Variants in TRAPPC2L observed in about 807,000 individuals in gnomAD.
The protein encoded by TRAPPC2L is trafficking protein particle complex subunit 2-like protein.
TRAPPC2L carries 17 observed loss-of-function variants against 13.2 expected under a neutral mutation model. The ratio of observed to expected loss-of-function variants is 1.29; its 90% CI spans 0.88 to 1.93. The LOEUF is 1.93. Among genes scored for constraint, TRAPPC2L ranks in the 30% most tolerant of loss-of-function variants. The pLI is 0.00. For missense variants in TRAPPC2L, 359 were observed against 252.1 expected, an observed-to-expected ratio of 1.42 and a Z score of -2.87; for synonymous variants, 150 against 98.1, an observed-to-expected ratio of 1.53 and a Z score of -3.12.
At chr16:88,857,224 C>G in intron 1 of TRAPPC2L, 41 bp downstream of exon 1, 1 of 1,469,482 alleles carries the variant, frequency 6.8e-7, no homozygotes, top group Non-Finnish European at 9.1e-7. Flanking sequence ...TCGCACCATC[C>G]TCGGCTCTCC....
chr16:88,858,325 C>G (rs1336190427), intron 1 of TRAPPC2L, among the ~76,000 whole-genome samples: 1 of 152,158 alleles, frequency 6.6e-6, no homozygotes, highest in Non-Finnish European at 1.5e-5. Context: ...GAGAGGCGTG[C>G]CCAGGTGCCA....
At chr16:88,860,652 C>G in exon 4 of TRAPPC2L, 1 of 597,228 alleles carries the variant, frequency 1.7e-6, no homozygotes, top group South Asian at 2.0e-5. Context: ...GCCACACCAC[C>G]GCTCTGCCTG....
Position 88,859,292 on chromosome 16 carries a change from T to C in TRAPPC2L, c.207-371T>C, listed in dbSNP as rs1272082440. 1.6e-5 allele frequency: 10 copies of C among 608,982 alleles called. No individual in the cohort carries two copies. The East Asian group carries it at 1.8e-4, about 11-fold the overall frequency. The allele number at this position is 608,982 out of a possible 1,614,324, so 37.7% of individuals were successfully genotyped here. Reference sequence around the variant, plus strand: ...TAGTAGCCACTATTTTACAAAATAATGTGGCCTCTAGAGAGGGGATCCGCC... The same window carrying C: ...TAGTAGCCACTATTTTACAAAATAACGTGGCCTCTAGAGAGGGGATCCGCC... On this transcript the variant is annotated intron_variant, in intron 2 of 3. Coordinates refer to ENST00000565504, the Ensembl canonical transcript of TRAPPC2L.
At chr16:88,857,961 C>T (rs1968078276) in intron 1 of TRAPPC2L, among the ~76,000 whole-genome samples, 2 of 152,188 alleles carry the variant, frequency 1.3e-5, no homozygotes, top group Admixed American at 1.3e-4. Context: ...TGCTAAGCTG[C>T]TCATGGGCTT....
chr16:88,860,649 C>A, exon 4 of TRAPPC2L: 1 of 596,756 alleles, frequency 1.7e-6, no homozygotes, highest in Non-Finnish European at 3.0e-6. Context: ...CTTGCCACAC[C>A]ACCGCTCTGC....
chr16:88,859,142 T>G (rs1345056721), intron 2 of TRAPPC2L: 2 of 432,182 alleles, frequency 4.6e-6, no homozygotes, highest in Non-Finnish European at 8.7e-6. Context: ...TTCATTTATT[T>G]CATTAGGCCT....
At chr16:88,859,217 C>G (rs1050549457) in intron 2 of TRAPPC2L, 3 of 506,070 alleles carry the variant, frequency 5.9e-6, no homozygotes, top group African/African-American at 5.7e-5. Flanking sequence ...CCATGGAATT[C>G]AAAGACCTTC....
chr16:88,858,424 A>G (rs1968132491), intron 1 of TRAPPC2L, among the ~76,000 whole-genome samples, 195 bp from the exon 2 acceptor site: 1 of 152,162 alleles, frequency 6.6e-6, no homozygotes, highest in Non-Finnish European at 1.5e-5. Flanking sequence ...TGCAAACAAC[A>G]CATAAATCTC....
chr16:88,861,704 G>T (rs779095488), exon 4 of TRAPPC2L: 4 of 471,642 alleles, frequency 8.5e-6, no homozygotes, highest in Non-Finnish European at 1.7e-5. Context: ...GCGTCCTTGG[G>T]GTCCAGCGGT....
At chr16:88,860,762 CTCCTG>C (rs762056620) in exon 4 of TRAPPC2L, 52 of 814,970 alleles carry the variant, frequency 6.4e-5, no homozygotes, top group Non-Finnish European at 9.4e-5. Flanking sequence ...TGGGGTGGGA[CTCCTG>C]TCCTGGCCTC....
chr16:88,857,866 C>A (rs184829578), intron 1 of TRAPPC2L, among the ~76,000 whole-genome samples: 57 of 152,342 alleles, frequency 3.7e-4, no homozygotes, highest in African/African-American at 1.3e-3. Context: ...GCTGCCCACA[C>A]GCTCCTGCTG....
In TRAPPC2L at chr16:88,860,764, C is replaced by G. The variant is rs987485550; in HGVS notation, c.*440C>G. 1.2e-5 allele frequency: 10 copies of G among 829,088 alleles called. 1 individual carries two copies. Among genetic ancestry groups the G allele is most frequent in the South Asian group, 9.3e-5 (6 of 64,850 alleles). The allele number at this position is 829,088 out of a possible 1,614,324, so 51.4% of individuals were successfully genotyped here. A position where few individuals can be genotyped will look rare whatever the true frequency, so the allele number is the denominator to read the frequency against. ...TCTCAGTGCCCGGTGGGGTGGGACT[C>G]CTGTCCTGGCCTCTCAGCGGAGTTC... On this transcript the variant is annotated 3_prime_UTR_variant, in exon 4 of 4. Transcript: ENST00000565504.
In TRAPPC2L at chr16:88,860,902, T is replaced by G. The variant is rs372629663; in HGVS notation, c.*578T>G. The G allele has an allele frequency of 5.4e-5, 86 of 1,588,388 alleles. No homozygotes were observed. The highest frequency in any genetic ancestry group is 6.9e-5 in the Non-Finnish European group (81 of 1,169,222). On this transcript the variant is annotated 3_prime_UTR_variant, in exon 4 of 4. Coordinates refer to ENST00000565504, the Ensembl canonical transcript of TRAPPC2L. ...CTGGCTCTCCTCTGAGTGGGTCTGT[T>G]TCTCTTAGCAGGGCCTTTGATAACA... is the stretch of plus-strand genomic sequence containing the variant.
At chr16:88,856,246 G>C (rs541816113), upstream of TRAPPC2L, 4 of 702,698 alleles carry the variant, frequency 5.7e-6, no homozygotes, top group Admixed American at 4.0e-5. Flanking sequence ...ACAGCCGTCA[G>C]GTAAGACTGG....
chr16:88,859,813 T>C, intron 3 of TRAPPC2L, 63 bp downstream of exon 3: 2 of 1,589,492 alleles, frequency 1.3e-6, no homozygotes, highest in East Asian at 2.2e-5. Context: ...TTTGACTTTG[T>C]TTTGAAATGC....
At chr16:88,860,603 T>G in exon 4 of TRAPPC2L, 1 of 587,100 alleles carries the variant, frequency 1.7e-6, no homozygotes, top group South Asian at 2.0e-5. Flanking sequence ...CAGGCGAATG[T>G]CCACAGTCTT....
chr16:88,860,071 A>G (rs1416457420), exon 4 of TRAPPC2L: 1 of 1,169,588 alleles, frequency 8.6e-7, no homozygotes, highest in Admixed American at 1.8e-5. Flanking sequence ...AAGGGAGGAA[A>G]GATCTTTTTA....
upstream of TRAPPC2L, chr16:88,856,943 C>T (rs942938359): frequency 2.1e-6 from 3 of 1,454,920 alleles, no homozygotes; most frequent in African/African-American, 1.5e-5. Flanking sequence ...CCGGCCCTTC[C>T]GGCTGGGCTG....
exon 4 of TRAPPC2L, chr16:88,860,331 AT>A: frequency 1.5e-6 from 1 of 685,848 alleles, no homozygotes; most frequent in Non-Finnish European, 2.7e-6. Flanking sequence ...CTGATCTTTT[AT>A]GTTGAATTTG....
Sources: gnomAD v4.1 joint callset for allele counts (sites outside exome capture counted in the v4.1 genomes callset) on GRCh38, gnomAD v4.1.1 for gene constraint, MANE v1.5 for transcripts, NCBI Gene and HGNC (gene_info 2026-07-23, HGNC 2026-07-21) for gene names.